Variants in DAB1 observed in about 807,000 individuals in gnomAD.
DAB1 encodes DAB adaptor protein 1, also known as disabled homolog 1.
A neutral mutation model predicts 64.6 loss-of-function variants in DAB1; 15 were observed. The observed-to-expected ratio is 0.23, with a 90% CI of 0.16 to 0.36. The LOEUF (loss-of-function observed/expected upper bound fraction) is 0.36. Ranked by LOEUF, DAB1 falls within the 10% of genes least tolerant of loss-of-function variation. The probability of loss-of-function intolerance (pLI) is 1.00; values close to 1 mark genes in which losing one functional copy is unlikely to be tolerated. For missense variants in DAB1, 596 were observed against 706.7 expected (o/e 0.84, Z 1.78); for synonymous variants, 235 against 251.9 (o/e 0.93, Z 0.64).
intron 3 of DAB1, among the ~76,000 whole-genome samples, chr1:58,375,406 G>C (rs1461397667): frequency 7.4e-6 from 1 of 134,358 alleles, no homozygotes; most frequent in Non-Finnish European, 1.6e-5. Context: ...GTTGAATTTT[G>C]TCAAAGGCTT....
chr1:57,969,909 T>A (rs1464874177), intron 5 of DAB1, among the ~76,000 whole-genome samples: 6 of 152,132 alleles, frequency 3.9e-5, no homozygotes, highest in Non-Finnish European at 7.3e-5. Context: ...GACATCCTAA[T>A]CCACAATGTA....
chr1:57,763,317 T>C (rs1279745987), intron 6 of DAB1, among the ~76,000 whole-genome samples: 2 of 152,018 alleles, frequency 1.3e-5, no homozygotes, highest in Non-Finnish European at 2.9e-5. Flanking sequence ...GTTTGCAGTC[T>C]GCACTGTAGG....
chr1:57,590,430 C>CGA (rs1645431097), intron 7 of DAB1, among the ~76,000 whole-genome samples: 1 of 152,060 alleles, frequency 6.6e-6, no homozygotes, highest in African/African-American at 2.4e-5. Flanking sequence ...AGCGATTCTC[C>CGA]TGCCTCAGCC....
intron 5 of DAB1, among the ~76,000 whole-genome samples, chr1:58,068,279 T>C (rs1648986507): frequency 6.6e-6 from 1 of 152,198 alleles, no homozygotes; most frequent in Admixed American, 6.5e-5. Context: ...ATCTCTATCG[T>C]TCTGAGGTAG....
At chr1:57,910,321 GAAC>G (rs893335333) in intron 5 of DAB1, among the ~76,000 whole-genome samples, 1 of 152,102 alleles carries the variant, frequency 6.6e-6, no homozygotes, top group African/African-American at 2.4e-5. Context: ...TGTATACAAA[GAAC>G]AAGATCCAAA....
chr1:58,381,021 G>A (rs1010099849), intron 3 of DAB1, among the ~76,000 whole-genome samples: 4 of 152,084 alleles, frequency 2.6e-5, no homozygotes, highest in African/African-American at 7.2e-5. Flanking sequence ...AGCCATTACC[G>A]GCATCAGCAA....
At chr1:57,399,611 A>G (rs1190295135) in intron 1 of DAB1, among the ~76,000 whole-genome samples, 1 of 152,214 alleles carries the variant, frequency 6.6e-6, no homozygotes, top group Non-Finnish European at 1.5e-5. Context: ...GCACATTTTA[A>G]AAACCAGAAT....
At chr1:57,301,687 A>G (rs957503415) in intron 1 of DAB1, among the ~76,000 whole-genome samples, 4 of 152,128 alleles carry the variant, frequency 2.6e-5, no homozygotes, top group African/African-American at 9.7e-5. Context: ...CATTATCTTC[A>G]AAGTTGACAA....
At chr1:58,069,498 T>C (rs554975590) in intron 5 of DAB1, among the ~76,000 whole-genome samples, 6 of 152,294 alleles carry the variant, frequency 3.9e-5, no homozygotes, top group African/African-American at 1.4e-4. Flanking sequence ...ACCAATCCTA[T>C]GCACTGTGGC....
rs189967221 is a variant in DAB1, at chr1:57,721,571, G to A, written n.552-71906C>T. ...CACAGAGAGGTTGTCATTTCCTCAA[G>A]GCCACACCAGTAGTAAGTAACAGAG... On this transcript the variant is annotated intron_variant and non_coding_transcript_variant, in intron 6 of 20. Coordinates refer to the DAB1 transcript ENST00000485760. Among the ~76,000 whole-genome samples, 1,328 of 152,270 alleles carry A rather than the reference G, an allele frequency of 8.7e-3. 19 individuals carry two copies. Among genetic ancestry groups the A allele is most frequent in the African/African-American group, 0.03 (1,237 of 41,552 alleles).
chr1:57,127,501 C>A (rs533925226), intron 4 of DAB1, among the ~76,000 whole-genome samples: 111 of 152,272 alleles, frequency 7.3e-4, no homozygotes, highest in African/African-American at 2.6e-3. Flanking sequence ...TATTTTCTAA[C>A]AGAGTATATT....
chr1:57,836,305 T>C (rs1331337293), intron 1 of DAB1, among the ~76,000 whole-genome samples: 1 of 152,244 alleles, frequency 6.6e-6, no homozygotes, highest in Non-Finnish European at 1.5e-5. Flanking sequence ...TGACTGTTGG[T>C]CTGAAGTGTT....
intron 2 of DAB1, among the ~76,000 whole-genome samples, chr1:57,279,020 G>A (rs1049141271): frequency 2.0e-5 from 3 of 152,204 alleles, no homozygotes; most frequent in Non-Finnish European, 2.9e-5. Flanking sequence ...TATTATTTCA[G>A]GTTTGGGGAT....
chr1:57,023,724 G>T, intron 10 of DAB1, 85 bp from the exon 11 acceptor site: 1 of 857,600 alleles, frequency 1.2e-6, no homozygotes, highest in South Asian at 1.4e-5. Context: ...AGGAATTAAG[G>T]CGCAGGGGAA....
At chr1:57,448,839 T>A (rs901130670) in intron 7 of DAB1, among the ~76,000 whole-genome samples, 6 of 152,038 alleles carry the variant, frequency 3.9e-5, no homozygotes, top group African/African-American at 1.2e-4. Context: ...TGATTAAGAA[T>A]AAGCCTTACA....
chr1:57,233,413 C>T (rs1667850282), intron 2 of DAB1, among the ~76,000 whole-genome samples: 1 of 150,526 alleles, frequency 6.6e-6, no homozygotes, highest in African/African-American at 2.4e-5. Flanking sequence ...CAGGCGCCCG[C>T]CATTACGCCT....
chr1:57,018,018 C>T (rs1400313539), intron 11 of DAB1, among the ~76,000 whole-genome samples: 1 of 152,108 alleles, frequency 6.6e-6, no homozygotes, highest in East Asian at 1.9e-4. Context: ...CAGTAGACAT[C>T]CTATTATGTC....
At chr1:58,100,872 G>C (rs1298850240) in intron 5 of DAB1, among the ~76,000 whole-genome samples, 1 of 152,136 alleles carries the variant, frequency 6.6e-6, no homozygotes, top group African/African-American at 2.4e-5. Flanking sequence ...TTGAGGTCAA[G>C]GGTCCTAGGG....
intron 7 of DAB1, among the ~76,000 whole-genome samples, chr1:57,471,470 G>T (rs766859892): frequency 6.6e-6 from 1 of 152,198 alleles, no homozygotes; most frequent in African/African-American, 2.4e-5. Flanking sequence ...CACTGATATG[G>T]TTTGGCTGTG....
Sources: allele counts gnomAD v4.1 joint callset (sites outside exome capture counted in the v4.1 genomes callset), GRCh38; gene constraint gnomAD v4.1.1; transcripts MANE v1.5; gene names NCBI Gene and HGNC (gene_info 2026-07-23, HGNC 2026-07-21).